Variants in CSMD1 observed in about 807,000 individuals in gnomAD.
The protein encoded by CSMD1 is CUB and sushi domain-containing protein 1.
In CSMD1, 213 loss-of-function variants were observed where a neutral mutation model predicts 417.5. The observed-to-expected ratio is 0.51, with a 90% CI of 0.46 to 0.57. The LOEUF (loss-of-function observed/expected upper bound fraction) is 0.57. CSMD1 is among the 20% of genes least tolerant of loss of function. CSMD1 has a pLI of 0.00. For synonymous variants in CSMD1, 2,862 were observed against 1,736.8 expected, an observed-to-expected ratio of 1.65 and a Z score of -16.11; for missense variants, 6,923 against 4,529.7, an observed-to-expected ratio of 1.53 and a Z score of -15.17.
At chr8:3,039,000 G>T (rs1192788234) in intron 50 of CSMD1, among the ~76,000 whole-genome samples, 1 of 152,134 alleles carries the variant, frequency 6.6e-6, no homozygotes, top group African/African-American at 2.4e-5. Flanking sequence ...ATGGCGACAA[G>T]CAGACTAGGT....
intron 45 of CSMD1, 29 bp from the exon 46 acceptor site, chr8:3,106,670 A>C: frequency 7.0e-7 from 1 of 1,426,760 alleles, no homozygotes; most frequent in Non-Finnish European, 9.8e-7. Flanking sequence ...CAAACCAGGA[A>C]ATTGTGTGTG....
intron 4 of CSMD1, among the ~76,000 whole-genome samples, chr8:4,006,466 C>T (rs1816122739): frequency 6.6e-6 from 1 of 152,156 alleles, no homozygotes; most frequent in Non-Finnish European, 1.5e-5. Flanking sequence ...ATCGCTTGAA[C>T]TTGGGAGGCA....
chr8:4,114,439 G>T (rs527861423), intron 3 of CSMD1, among the ~76,000 whole-genome samples: 2 of 152,142 alleles, frequency 1.3e-5, no homozygotes, highest in African/African-American at 4.8e-5. Flanking sequence ...AGGTGGTTAC[G>T]GAAGAGCTTG....
chr8:2,955,872 C>A, intron 63 of CSMD1, 104 bp from the exon 64 acceptor site: 1 of 906,856 alleles, frequency 1.1e-6, no homozygotes, highest in Admixed American at 2.3e-5. Flanking sequence ...GTTATGCAGT[C>A]AATATGTATA....
At chr8:4,720,642 G>A (rs1245901696) in intron 1 of CSMD1, among the ~76,000 whole-genome samples, 3 of 152,090 alleles carry the variant, frequency 2.0e-5, no homozygotes, top group East Asian at 1.9e-4. Flanking sequence ...CTCTCCTCTC[G>A]AATTCCTAAA....
Position 4,728,759 on chromosome 8 carries a change from G to GA in CSMD1, c.86-91202dup, listed in dbSNP as rs144873379. ...CAATTAATATTTCTAAATGTCTGCT[G>GA]AAAAAAAAAATAACCAGATGTCTGC... is the stretch of plus-strand genomic sequence containing the variant. On this transcript the variant is annotated intron_variant, in intron 1 of 69. Coordinates refer to ENST00000635120, the MANE Select transcript of CSMD1 (RefSeq NM_033225.6). Among the ~76,000 whole-genome samples, 322 of 148,546 alleles carry GA rather than the reference G, an allele frequency of 2.2e-3. 2 individuals carry two copies. The highest frequency in any genetic ancestry group is 6.4e-3 in the African/African-American group (259 of 40,558).
intron 3 of CSMD1, among the ~76,000 whole-genome samples, chr8:4,316,566 C>T (rs904734428): frequency 2.0e-5 from 3 of 151,998 alleles, no homozygotes; most frequent in African/African-American, 4.8e-5. Flanking sequence ...TAATAACTTT[C>T]CACTAATATT....
chr8:3,834,473 T>C (rs1802561905), intron 5 of CSMD1, among the ~76,000 whole-genome samples: 2 of 152,206 alleles, frequency 1.3e-5, no homozygotes, highest in Admixed American at 6.5e-5. Context: ...TCCATGTGTG[T>C]TGTTCCAGGT....
intron 23 of CSMD1, among the ~76,000 whole-genome samples, chr8:3,317,318 A>G (rs1412332182): frequency 6.6e-6 from 1 of 152,238 alleles, no homozygotes; most frequent in Admixed American, 6.5e-5. Context: ...GAGCGAGACA[A>G]TCTCAGTCCT....
intron 5 of CSMD1, among the ~76,000 whole-genome samples, chr8:3,831,695 A>C (rs1017688665): frequency 9.9e-5 from 15 of 152,156 alleles, no homozygotes; most frequent in African/African-American, 3.6e-4. Flanking sequence ...ATATGTTTGG[A>C]ATGCCAATGA....
chr8:4,299,206 C>T (rs1193481360), intron 3 of CSMD1, among the ~76,000 whole-genome samples: 1 of 151,970 alleles, frequency 6.6e-6, no homozygotes, highest in Non-Finnish European at 1.5e-5. Context: ...TATACTTTTG[C>T]CAGGTAATGT....
chr8:3,158,848 A>C (rs766973082), intron 38 of CSMD1, among the ~76,000 whole-genome samples: 1 of 152,160 alleles, frequency 6.6e-6, no homozygotes, highest in Non-Finnish European at 1.5e-5. Context: ...GCAATTGAAA[A>C]ACAATATCTA....
rs538948688 is a variant in CSMD1 at position 3,794,103 on chromosome 8, C to G, written c.819-40061G>C. Among the ~76,000 whole-genome samples the G allele has an allele frequency of 3.3e-5, 5 of 152,140 alleles. No homozygotes were observed. In the East Asian group the frequency reaches 5.8e-4, roughly 18 times the overall value. ...TGATGGCTCATGAAAAATGCAGGGT[C>G]GCAGGCACACACCCTGCCTAATGAA... On this transcript the variant is annotated intron_variant, in intron 5 of 69. Transcript: ENST00000635120.
intron 3 of CSMD1, among the ~76,000 whole-genome samples, chr8:4,357,256 G>C (rs138380150): frequency 3.8e-4 from 58 of 152,146 alleles, no homozygotes; most frequent in African/African-American, 1.4e-3. Context: ...AGAGGTTCAG[G>C]GACTAAAAAG....
intron 12 of CSMD1, among the ~76,000 whole-genome samples, chr8:3,422,826 T>C (rs529751482): frequency 1.2e-3 from 187 of 152,282 alleles, no homozygotes; most frequent in Non-Finnish European, 1.5e-3. Flanking sequence ...CTGGGAAGGT[T>C]GGTGTCTGAT....
intron 36 of CSMD1, among the ~76,000 whole-genome samples, chr8:3,182,281 C>G (rs1009995461): frequency 2.0e-5 from 3 of 152,206 alleles, no homozygotes; most frequent in African/African-American, 7.2e-5. Context: ...GAGTCTCGCT[C>G]TGTCACCCAG....
chr8:4,894,389 C>G (rs758130415), intron 1 of CSMD1, among the ~76,000 whole-genome samples: 2 of 151,698 alleles, frequency 1.3e-5, no homozygotes, highest in Non-Finnish European at 2.9e-5. Context: ...TTCATATTCT[C>G]TCTTTCACTC....
At chr8:3,527,394 G>C (rs1425901164) in intron 10 of CSMD1, among the ~76,000 whole-genome samples, 1 of 152,080 alleles carries the variant, frequency 6.6e-6, no homozygotes, top group South Asian at 2.1e-4. Context: ...TAACATTCTT[G>C]AAATGACAAA....
chr8:3,742,141 G>C (rs1796838384), intron 6 of CSMD1, among the ~76,000 whole-genome samples: 1 of 152,012 alleles, frequency 6.6e-6, no homozygotes, highest in South Asian at 2.1e-4. Flanking sequence ...TATCCACCTA[G>C]TCACTTCTAT....
Sources: gnomAD v4.1 joint callset for allele counts (sites outside exome capture counted in the v4.1 genomes callset) on GRCh38, gnomAD v4.1.1 for gene constraint, MANE v1.5 for transcripts, NCBI Gene and HGNC (gene_info 2026-07-23, HGNC 2026-07-21) for gene names.